OSBPL10: variants seen among roughly 807,000 people sequenced by gnomAD.
OSBPL10 encodes oxysterol binding protein like 10.
A neutral mutation model predicts 81.7 loss-of-function variants in OSBPL10; 49 were observed. That is an observed-to-expected ratio of 0.60 (90% CI 0.48 to 0.76). The LOEUF is 0.76. OSBPL10 is among the 30% of genes least tolerant of loss of function. OSBPL10 has a pLI of 0.00. For synonymous variants in OSBPL10, 419 were observed against 383.6 expected (o/e 1.09, Z -1.08); for missense variants, 923 against 987.8 (o/e 0.93, Z 0.88).
At chr3:31,965,855 TAA>T (rs1456892619) in intron 1 of OSBPL10, among the ~76,000 whole-genome samples, 31 of 84,788 alleles carry the variant, frequency 3.7e-4, no homozygotes, top group African/African-American at 8.1e-4. Context: ...TATAAAAAGA[TAA>T]TATATAATAC....
At chr3:31,854,725 C>G (rs190922480) in intron 3 of OSBPL10, among the ~76,000 whole-genome samples, 15 of 152,300 alleles carry the variant, frequency 9.8e-5, no homozygotes, top group Admixed American at 9.8e-4. Context: ...TTTGTTCCCT[C>G]TGTTCTCTCC....
intron 3 of OSBPL10, among the ~76,000 whole-genome samples, chr3:31,833,583 T>TGA (rs1700297188): frequency 6.6e-6 from 1 of 152,148 alleles, no homozygotes; most frequent in Non-Finnish European, 1.5e-5. Flanking sequence ...AAGCAGTCGC[T>TGA]GAGTCACTGA....
chr3:31,975,381 T>C (rs1196629454), intron 1 of OSBPL10, among the ~76,000 whole-genome samples: 1 of 152,154 alleles, frequency 6.6e-6, no homozygotes, highest in Non-Finnish European at 1.5e-5. Context: ...CTAAAATTAT[T>C]GGGATACTCA....
chr3:31,885,828 C>A (rs868368002), intron 1 of OSBPL10, among the ~76,000 whole-genome samples: 161 of 122,438 alleles, frequency 1.3e-3, no homozygotes, highest in Middle Eastern at 4.3e-3. Flanking sequence ...ACTAAAAATA[C>A]AAAAAAAAAA....
intron 7 of OSBPL10, among the ~76,000 whole-genome samples, chr3:31,691,592 A>G (rs1295855597): frequency 1.3e-5 from 2 of 152,056 alleles, no homozygotes; most frequent in East Asian, 3.9e-4. Context: ...GTGGTGGTGC[A>G]AGCCTGTAGT....
At chr3:32,042,943 G>A (rs1023654475) in intron 2 of OSBPL10, among the ~76,000 whole-genome samples, 2 of 152,168 alleles carry the variant, frequency 1.3e-5, no homozygotes, top group African/African-American at 2.4e-5. Context: ...TTACTGATAA[G>A]GGTCTATGTT....
intron 2 of OSBPL10, chr3:32,030,469 C>T (rs935293816): frequency 1.6e-5 from 11 of 684,166 alleles, no homozygotes; most frequent in South Asian, 1.0e-4. Context: ...AATTAATGTG[C>T]GTATTAAGCG....
At position 31,702,465 on chromosome 3, in the gene OSBPL10, C is replaced by T. The variant is rs1452986891; in HGVS notation, c.1139G>A (p.Ser380Asn). 6.2e-6 allele frequency: 10 copies of T among 1,614,208 alleles called. No individual in the cohort carries two copies. The highest frequency in any genetic ancestry group is 1.6e-4 in the Middle Eastern group (1 of 6,062). ...CGTCTCTTCCTTATCTTCATTGTCA[C>T]TTTTTTCATCTTCAGACAAAACCAA... ...SELVLSEDEK[S>N]DNEDKEETEL... The change falls in exon 7 of 12, where the codon AGT becomes AAT. Residue 380 changes from serine to asparagine, a missense_variant. By Grantham distance (46) the Ser-to-Asn change is conservative. Transcript: ENST00000396556.
rs138061697 is a variant in OSBPL10, at chr3:31,830,377, A to G, written c.538-146T>C. On this transcript the variant is annotated intron_variant, in intron 3 of 11. Transcript: ENST00000396556. The stretch of plus-strand genomic sequence containing the variant: ...TATGAAGGAGGTATAACAACACTGC[A>G]TGCCCAAATCCCACAGATACTCACT... 56 of 780,378 alleles carry G rather than the reference A, an allele frequency of 7.2e-5. 2 individuals carry two copies. The highest frequency in any genetic ancestry group is 4.8e-4 in the South Asian group (24 of 49,918). 48.3% of individuals were successfully genotyped at this position (780,378 alleles called of 1,614,324 possible). A position where few individuals can be genotyped will look rare whatever the true frequency, so the allele number is the denominator to read the frequency against.
chr3:31,689,207 C>T (rs1443880904), intron 7 of OSBPL10, among the ~76,000 whole-genome samples: 1 of 152,010 alleles, frequency 6.6e-6, no homozygotes, highest in Non-Finnish European at 1.5e-5. Context: ...TTCAGTATCA[C>T]TGCCATGAAA....
chr3:31,677,583 C>A (rs1053449065), intron 8 of OSBPL10, among the ~76,000 whole-genome samples: 1 of 152,202 alleles, frequency 6.6e-6, no homozygotes, highest in Non-Finnish European at 1.5e-5. Context: ...AATTCTAATT[C>A]TGCTTCATCT....
At chr3:31,733,505 T>C (rs1697039176) in intron 5 of OSBPL10, 94 bp from the exon 6 acceptor site, 1 of 1,488,492 alleles carries the variant, frequency 6.7e-7, no homozygotes, top group Admixed American at 1.7e-5. Context: ...AGAGACCTAC[T>C]TGAAAAGGGC....
chr3:31,785,224 T>A (rs951883420), intron 4 of OSBPL10, among the ~76,000 whole-genome samples: 1 of 152,142 alleles, frequency 6.6e-6, no homozygotes, highest in Non-Finnish European at 1.5e-5. Flanking sequence ...ATAGCTAAAA[T>A]GTAATAAATG....
At chr3:32,000,221 G>C (rs1012217191) in intron 2 of OSBPL10, among the ~76,000 whole-genome samples, 1 of 152,062 alleles carries the variant, frequency 6.6e-6, no homozygotes, top group Non-Finnish European at 1.5e-5. Context: ...TAATTTCACT[G>C]TAGCATGGTC....
intron 1 of OSBPL10, among the ~76,000 whole-genome samples, chr3:31,886,490 G>A (rs1695739927): frequency 6.6e-6 from 1 of 152,182 alleles, no homozygotes; most frequent in South Asian, 2.1e-4. Context: ...GGAGAGGGTG[G>A]ACCTCCCTGC....
chr3:32,047,423 G>A (rs932895884), intron 1 of OSBPL10, among the ~76,000 whole-genome samples: 5 of 152,138 alleles, frequency 3.3e-5, no homozygotes, highest in African/African-American at 4.8e-5. Context: ...GAGTTTTCCC[G>A]GAAAGGGGCA....
intron 1 of OSBPL10, chr3:31,969,699 C>CA (rs1287847756): frequency 6.6e-6 from 1 of 152,048 alleles, no homozygotes; most frequent in Non-Finnish European, 1.5e-5. Flanking sequence ...ACTAAAAATA[C>CA]AAAAAATTAG....
At chr3:31,909,632 C>T (rs1387437668) in intron 1 of OSBPL10, among the ~76,000 whole-genome samples, 1 of 152,150 alleles carries the variant, frequency 6.6e-6, no homozygotes, top group Non-Finnish European at 1.5e-5. Context: ...TCAGTACGGC[C>T]ACTTGGACAC....
At chr3:31,721,644 C>T (rs1172929672) in intron 6 of OSBPL10, 1 of 152,172 alleles carries the variant, frequency 6.6e-6, no homozygotes, top group African/African-American at 2.4e-5. Flanking sequence ...TGGCAGATGT[C>T]ATTATTTATA....
Sources: allele counts gnomAD v4.1 joint callset (sites outside exome capture counted in the v4.1 genomes callset), GRCh38; gene constraint gnomAD v4.1.1; transcripts MANE v1.5; gene names NCBI Gene and HGNC (gene_info 2026-07-23, HGNC 2026-07-21).